CLTCL1: variants seen among roughly 807,000 people sequenced by gnomAD.
CLTCL1 encodes clathrin heavy chain like 1.
CLTCL1 carries 159 observed loss-of-function variants against 190.0 expected under a neutral mutation model. The ratio of observed to expected loss-of-function variants is 0.84; its 90% CI spans 0.74 to 0.95. The LOEUF is 0.95. Among genes scored for constraint, CLTCL1 ranks in the 40% least tolerant of loss-of-function variants. The probability of loss-of-function intolerance (pLI) is 0.00; values close to 1 mark genes in which losing one functional copy is unlikely to be tolerated. For synonymous variants in CLTCL1, 752 were observed against 769.6 expected (o/e 0.98, Z 0.38); for missense variants, 1,878 against 2,033.4 (o/e 0.92, Z 1.47).
intron 2 of CLTCL1, among the ~76,000 whole-genome samples, chr22:19,264,231 C>T (rs776661340): frequency 3.4e-5 from 5 of 147,580 alleles, no homozygotes; most frequent in African/African-American, 1.3e-4. Flanking sequence ...TCCAGGAGTT[C>T]GAAGTTACAG....
In CLTCL1 at chr22:19,201,486, T is replaced by A; in HGVS notation, c.3608A>T (p.Asp1203Val). Reference protein sequence around the residue: ...PNNAHIQQVGDRCYEEGMYEA... With the variant: ...PNNAHIQQVGVRCYEEGMYEA... Reference sequence around the variant, plus strand: ...GTACATTCCCTCCTCGTAACAGCGGTCTCCAACCTACGGATAATAGGGTAG... The same window carrying A: ...GTACATTCCCTCCTCGTAACAGCGGACTCCAACCTACGGATAATAGGGTAG... The change falls in exon 23 of 33, where the codon GAC becomes GTC. Residue 1203 changes from aspartate to valine, a missense_variant. Transcript: ENST00000427926. 2 of 1,612,364 alleles carry A rather than the reference T, an allele frequency of 1.2e-6. No individual in the cohort carries two copies. Among genetic ancestry groups the A allele is most frequent in the Non-Finnish European group, 1.7e-6 (2 of 1,178,720 alleles).
At chr22:19,225,657 C>A in intron 12 of CLTCL1, 24 bp from the exon 13 acceptor site, 1 of 1,534,282 alleles carries the variant, frequency 6.5e-7, no homozygotes, top group Non-Finnish European at 8.8e-7. Context: ...AGAGTCTGTC[C>A]ACAACGATGC....
Position 19,235,805 on chromosome 22 carries a change from A to G in CLTCL1, c.860T>C (p.Leu287Pro). 1 of 1,614,006 alleles carries G rather than the reference A, an allele frequency of 6.2e-7. No individual in the cohort carries two copies. Among genetic ancestry groups the G allele is most frequent in the Non-Finnish European group, 8.5e-7 (1 of 1,179,872 alleles). Residue 287 changes from leucine (L) to proline (P), a missense_variant, in exon 6 of 33, where the codon CTA (leucine) becomes CCA (proline). Coordinates refer to ENST00000427926, the MANE Select transcript of CLTCL1 (RefSeq NM_007098.4). The part of the protein sequence containing the change: ...TKYGYLHLYD[L>P]ESGVCICMNR... The stretch of plus-strand genomic sequence containing the variant: ...CATGCAGATGCACACGCCAGACTCT[A>G]GGTCGTACAGATGAAGATAGCCATA...
intron 18 of CLTCL1, 72 bp downstream of exon 18, chr22:19,219,813 A>G: frequency 6.3e-7 from 1 of 1,596,476 alleles, no homozygotes. Flanking sequence ...AAATGAAACC[A>G]GTCACTTGAG....
intron 1 of CLTCL1, among the ~76,000 whole-genome samples, chr22:19,282,328 CA>C (rs1167712206): frequency 2.1e-3 from 284 of 132,880 alleles, no homozygotes; most frequent in African/African-American, 2.2e-3. Flanking sequence ...GACTCCGTCT[CA>C]AAAAAAAAAA....
At chr22:19,278,289 TA>T (rs201088998) in intron 1 of CLTCL1, among the ~76,000 whole-genome samples, 54 of 151,580 alleles carry the variant, frequency 3.6e-4, no homozygotes, top group Admixed American at 1.1e-3. Flanking sequence ...TTTGTAAGTC[TA>T]AAAAAAAATT....
chr22:19,187,593 T>C lies in CLTCL1; in HGVS notation c.4570A>G (p.Ser1524Gly). 6.2e-7 allele frequency: 1 copy of C among 1,613,134 alleles called. No individual in the cohort carries two copies. The highest frequency in any genetic ancestry group is 1.1e-5 in the South Asian group (1 of 91,046). The change falls in exon 29 of 33, where the codon AGC becomes GGC. Residue 1524 changes from serine (S) to glycine (G), a missense_variant. By Grantham distance (56) the Ser-to-Gly change is moderately conservative (BLOSUM62 0). Transcript: ENST00000427926. ...LYKGNNWWAQ[S>G]VELCKKDHLY... ...TGATCCTTCTTGCAGAGCTCCACGC[T>C]CTGGGCCCACCAGTTATTGCCCTTG...
intron 2 of CLTCL1, among the ~76,000 whole-genome samples, chr22:19,268,251 C>T (rs1456012522): frequency 2.0e-5 from 3 of 152,112 alleles, no homozygotes; most frequent in East Asian, 1.9e-4. Context: ...AGTGTGAACC[C>T]TTAACAGACA....
At chr22:19,230,252 C>T (rs1601591458) in intron 10 of CLTCL1, among the ~76,000 whole-genome samples, 1 of 151,946 alleles carries the variant, frequency 6.6e-6, no homozygotes, top group Non-Finnish European at 1.5e-5. Flanking sequence ...TACAGGCACC[C>T]GTCACCACAC....
Position 19,180,806 on chromosome 22 carries a change from C to T in CLTCL1, c.4828G>A (p.Val1610Met), listed in dbSNP as rs1176533285. Residue 1610 changes from valine (V) to methionine (M), a missense_variant and splice_region_variant, in exon 31 of 33, where the codon GTG becomes ATG. Physicochemically the swap from Val to Met is conservative, Grantham distance 21. Transcript: ENST00000427926. ...CTCTCCAAGGCATCCAGTTTGTCCA[C>T]CTGCAAGGAGGCAAAAGCACGTGAG... ...IQVMREYLSK[V>M]DKLDALESLR... The T allele has an allele frequency of 6.2e-7, 1 of 1,613,648 alleles. No individual in the cohort carries two copies. Among genetic ancestry groups the T allele is most frequent in the African/African-American group, 1.3e-5 (1 of 74,940 alleles).
intron 10 of CLTCL1, 65 bp from the exon 11 acceptor site, chr22:19,230,040 G>C: frequency 1.5e-6 from 2 of 1,356,344 alleles, no homozygotes; most frequent in Admixed American, 5.7e-5. Flanking sequence ...TTTTCCTATT[G>C]AAATAGTTCC....
intron 26 of CLTCL1, among the ~76,000 whole-genome samples, chr22:19,194,275 A>C (rs2084621258): frequency 6.6e-6 from 1 of 152,180 alleles, no homozygotes; most frequent in African/African-American, 2.4e-5. Context: ...TGAGGTCAGG[A>C]GTTTGAGAAC....
chr22:19,200,043 G>A (rs536774850), intron 23 of CLTCL1, among the ~76,000 whole-genome samples: 1 of 152,194 alleles, frequency 6.6e-6, no homozygotes, highest in Non-Finnish European at 1.5e-5. Flanking sequence ...CAGGCCAAGG[G>A]GGTGCTTGAG....
At chr22:19,238,900 A>G (rs2086164820) in intron 5 of CLTCL1, among the ~76,000 whole-genome samples, 1 of 152,224 alleles carries the variant, frequency 6.6e-6, no homozygotes, top group Non-Finnish European at 1.5e-5. Context: ...TTTGTTACAC[A>G]GGTATACACG....
At chr22:19,226,516 C>G in intron 11 of CLTCL1, 133 bp from the exon 12 acceptor site, 1 of 955,394 alleles carries the variant, frequency 1.0e-6, no homozygotes, top group Non-Finnish European at 1.6e-6. Context: ...ACATCCATAC[C>G]TCTGTGGTGG....
intron 7 of CLTCL1, 59 bp downstream of exon 7, chr22:19,234,450 T>G: frequency 1.4e-6 from 2 of 1,387,074 alleles, no homozygotes; most frequent in Non-Finnish European, 2.0e-6. Context: ...TGACTTATTT[T>G]CCTCTCAAGG....
At chr22:19,234,285 GCA>G (rs1555960719) in intron 7 of CLTCL1, among the ~76,000 whole-genome samples, 1 of 152,228 alleles carries the variant, frequency 6.6e-6, no homozygotes, top group Admixed American at 6.5e-5. Context: ...AGGTACGTAT[GCA>G]CACAAAGTGG....
At chr22:19,234,290 C>A (rs1189252104) in intron 7 of CLTCL1, among the ~76,000 whole-genome samples, 4 of 152,176 alleles carry the variant, frequency 2.6e-5, no homozygotes, top group Non-Finnish European at 5.9e-5. Flanking sequence ...CGTATGCACA[C>A]AAAGTGGGAG....
intron 11 of CLTCL1, among the ~76,000 whole-genome samples, chr22:19,227,582 G>A (rs2085790663): frequency 6.6e-6 from 1 of 151,732 alleles, no homozygotes. Context: ...AGCCTCCCAA[G>A]TAGCTGGGAC....
Sources: gnomAD v4.1 joint callset for allele counts (sites outside exome capture counted in the v4.1 genomes callset) on GRCh38, gnomAD v4.1.1 for gene constraint, MANE v1.5 for transcripts, NCBI Gene and HGNC (gene_info 2026-07-23, HGNC 2026-07-21) for gene names.